Variants in ACVR1B observed in about 807,000 individuals in gnomAD.
The protein encoded by ACVR1B is activin receptor type-1B.
A neutral mutation model predicts 55.6 loss-of-function variants in ACVR1B; 15 were observed. The ratio of observed to expected loss-of-function variants is 0.27; its 90% CI spans 0.18 to 0.42. The LOEUF (loss-of-function observed/expected upper bound fraction) is 0.42, where lower values mean the gene tolerates loss of function less well. ACVR1B is among the 10% of genes least tolerant of loss of function. The probability of loss-of-function intolerance (pLI) is 1.00; values close to 1 mark genes in which losing one functional copy is unlikely to be tolerated. For missense variants in ACVR1B, 359 were observed against 670.1 expected, an observed-to-expected ratio of 0.54 and a Z score of 5.13; for synonymous variants, 247 against 254.6, an observed-to-expected ratio of 0.97 and a Z score of 0.28.
At chr12:51,952,727 A>G (rs763625740) in intron 1 of ACVR1B, among the ~76,000 whole-genome samples, 8 of 152,060 alleles carry the variant, frequency 5.3e-5, no homozygotes, top group Non-Finnish European at 7.4e-5. Flanking sequence ...CAAACCCCCA[A>G]GATTATTTAA....
chr12:51,974,405 C>T (rs1316095668), intron 1 of ACVR1B, among the ~76,000 whole-genome samples: 1 of 152,138 alleles, frequency 6.6e-6, no homozygotes, highest in Non-Finnish European at 1.5e-5. Context: ...AATTCATTTG[C>T]AGTAATTTCC....
Position 51,994,599 on chromosome 12 carries a change from A to G in ACVR1B, c.*489A>G, listed in dbSNP as rs1185842091. 2 of 157,608 alleles carry G rather than the reference A, an allele frequency of 1.3e-5. No individual in the cohort carries two copies. Among genetic ancestry groups the G allele is most frequent in the Non-Finnish European group, 2.8e-5 (2 of 71,198 alleles). The allele number at this position is 157,608 out of a possible 1,614,324, so 9.8% of individuals were successfully genotyped here. On this transcript the variant is annotated 3_prime_UTR_variant, in exon 9 of 9. Transcript: ENST00000257963. The surrounding 1 kb of genome is among the most constrained non-coding windows in gnomAD (Gnocchi z 4.2). ...GCCGCGCTTTCCCCTCCTCCCTGGG[A>G]TGGACGCTGCCGGGAGACTGCCAGT...
intron 1 of ACVR1B, among the ~76,000 whole-genome samples, chr12:51,955,239 A>C (rs542467253): frequency 6.6e-6 from 1 of 152,348 alleles, no homozygotes; most frequent in South Asian, 2.1e-4. Context: ...GACCTTGGGA[A>C]TCTGCAATCA....
intron 8 of ACVR1B, among the ~76,000 whole-genome samples, chr12:51,993,552 C>G (rs1485221284): frequency 6.6e-6 from 1 of 151,874 alleles, no homozygotes; most frequent in African/African-American, 2.4e-5. Context: ...ATCACAAGGT[C>G]GAGAGAGCGA....
At chr12:51,973,801 G>A (rs568943504) in intron 1 of ACVR1B, among the ~76,000 whole-genome samples, 1 of 152,144 alleles carries the variant, frequency 6.6e-6, no homozygotes, top group African/African-American at 2.4e-5. Flanking sequence ...CAGGCCATAA[G>A]TGAAGATCTG....
At chr12:51,984,673 T>C (rs1942045253) in intron 5 of ACVR1B, among the ~76,000 whole-genome samples, 1 of 152,234 alleles carries the variant, frequency 6.6e-6, no homozygotes, top group Admixed American at 6.5e-5. Context: ...GTCGGCTCTT[T>C]GGGAGATCCT....
Position 51,976,419 on chromosome 12 carries a change from A to G in ACVR1B, c.424A>G (p.Ile142Val), listed in dbSNP as rs1432369401. The change falls in exon 3 of 9, where the codon ATC becomes GTC. Residue 142 changes from isoleucine to valine, a missense_variant. By Grantham distance (29) the Ile-to-Val change is conservative. This residue lies in a region of ACVR1B where 133 missense variants were observed against 188.2 expected (regional missense o/e 0.71). Coordinates refer to ENST00000257963, the MANE Select transcript of ACVR1B (RefSeq NM_004302.5). ...AGPVFLLFLI[I>V]IIVFLVINYH... The stretch of plus-strand genomic sequence containing the variant: ...CCCGGTGTTCCTCCTGTTCCTCATC[A>G]TCATCATTGTTTTCCTTGTCATTAA... The G allele has an allele frequency of 2.5e-6, 4 of 1,614,028 alleles. No individual in the cohort carries two copies. Among genetic ancestry groups the G allele is most frequent in the Non-Finnish European group, 3.4e-6 (4 of 1,180,016 alleles).
At chr12:51,966,461 A>G (rs145596362) in intron 1 of ACVR1B, among the ~76,000 whole-genome samples, 1 of 152,238 alleles carries the variant, frequency 6.6e-6, no homozygotes, top group East Asian at 1.9e-4. Context: ...ATTTTATTTT[A>G]TTTTTGAGGC....
intron 8 of ACVR1B, among the ~76,000 whole-genome samples, chr12:51,993,765 T>TAAAAAAAAAAAAAAAA (rs869161100): frequency 1.3e-4 from 4 of 29,742 alleles, no homozygotes; most frequent in Non-Finnish European, 2.6e-4. Context: ...AGACTCCTTC[T>TAAAAAAAAAAAAAAAA]AAAAAAAAAA....
chr12:51,995,016 C>T lies in ACVR1B; in HGVS notation c.*906C>T, dbSNP rs540004129. On this transcript the variant is annotated 3_prime_UTR_variant, in exon 9 of 9. Coordinates refer to ENST00000257963, the MANE Select transcript of ACVR1B (RefSeq NM_004302.5). ...CCAAAGCTGGCCCAGTTGTCCATGA[C>T]AAAAGAGGCTTTTGGGCCAAAATGT... is the stretch of plus-strand genomic sequence containing the variant. 6.6e-6 allele frequency: 1 copy of T among 150,574 alleles called. No homozygotes were observed. Among genetic ancestry groups the T allele is most frequent in the African/African-American group, 2.4e-5 (1 of 41,168 alleles). 9.3% of individuals were successfully genotyped at this position (150,574 alleles called of 1,614,324 possible).
At chr12:51,983,901 C>A in intron 4 of ACVR1B, 98 bp from the exon 5 acceptor site, 2 of 1,272,198 alleles carry the variant, frequency 1.6e-6, no homozygotes, top group East Asian at 2.4e-5. Flanking sequence ...ATTCAGGAGT[C>A]TAACCTGATT....
intron 4 of ACVR1B, among the ~76,000 whole-genome samples, chr12:51,983,268 C>G (rs77938859): frequency 0.018 from 2,735 of 152,308 alleles, 27 homozygotes; most frequent in Non-Finnish European, 0.022. Context: ...TCCTCCTGCT[C>G]TCCTCCTTCC....
At chr12:51,976,847 T>C (rs765783904) in intron 3 of ACVR1B, among the ~76,000 whole-genome samples, 17 of 152,208 alleles carry the variant, frequency 1.1e-4, no homozygotes, top group Non-Finnish European at 2.2e-4. Context: ...CAACTGTACG[T>C]ACATCTATTA....
chr12:51,975,628 G>A (rs752263538), intron 2 of ACVR1B, 124 bp downstream of exon 2: 284 of 1,324,352 alleles, frequency 2.1e-4, no homozygotes, highest in Middle Eastern at 6.4e-4. Flanking sequence ...GGATGTTCCC[G>A]AAGGTGACAA....
intron 1 of ACVR1B, among the ~76,000 whole-genome samples, chr12:51,966,638 A>C (rs748162885): frequency 6.6e-6 from 1 of 152,114 alleles, no homozygotes; most frequent in African/African-American, 2.4e-5. Flanking sequence ...TTGTAGAGAC[A>C]GGGTCTCACT....
At chr12:51,957,911 A>G (rs573352739) in intron 1 of ACVR1B, among the ~76,000 whole-genome samples, 43 of 152,320 alleles carry the variant, frequency 2.8e-4, no homozygotes, top group Admixed American at 5.9e-4. Context: ...ATACAGCAAA[A>G]TCATCAATGA....
intron 1 of ACVR1B, among the ~76,000 whole-genome samples, chr12:51,958,970 A>G (rs531648369): frequency 6.6e-6 from 1 of 152,350 alleles, no homozygotes; most frequent in South Asian, 2.1e-4. Flanking sequence ...TGCAGGTGTT[A>G]GGGATACAGT....
chr12:51,993,279 C>G (rs886110573), intron 8 of ACVR1B, among the ~76,000 whole-genome samples: 3 of 152,202 alleles, frequency 2.0e-5, no homozygotes, highest in Non-Finnish European at 4.4e-5. Context: ...AGTCTAACCA[C>G]TAGAGGGCAT....
At chr12:51,963,019 T>C (rs76083842) in intron 1 of ACVR1B, among the ~76,000 whole-genome samples, 3,889 of 152,238 alleles carry the variant, frequency 0.026, 166 homozygotes, top group African/African-American at 0.09. Context: ...AGGAAGAAGA[T>C]AGTTTGAAAA....
Sources: allele counts gnomAD v4.1 joint callset (sites outside exome capture counted in the v4.1 genomes callset), GRCh38; gene constraint gnomAD v4.1.1; regional missense constraint gnomAD v4.1.1; non-coding constraint Gnocchi (gnomAD v3.1); transcripts MANE v1.5; gene names NCBI Gene and HGNC (gene_info 2026-07-23, HGNC 2026-07-21).